The following TP63 variants were observed in gnomAD, a reference collection of about 807,000 sequenced individuals.
TP63 encodes the protein tumor protein p63, also known as tumor protein 63.
Under a neutral mutation model 82.8 loss-of-function variants are expected in TP63, and 17 were observed. The ratio of observed to expected loss-of-function variants is 0.21; its 90% CI spans 0.14 to 0.31. The LOEUF is 0.31. Ranked by LOEUF, TP63 falls within the 10% of genes least tolerant of loss-of-function variation. The pLI is 1.00. For synonymous variants in TP63, 330 were observed against 321.7 expected (o/e 1.03, Z -0.28); for missense variants, 648 against 895.3 (o/e 0.72, Z 3.52).
intron 6 of TP63, 138 bp from the exon 7 acceptor site, chr3:189,867,694 AG>A (rs1560278905): frequency 1.3e-5 from 10 of 782,476 alleles, no homozygotes; most frequent in South Asian, 1.0e-4. Context: ...AATCTACAAC[AG>A]GGTTCAGAGT....
In TP63 at chr3:189,648,800, G is replaced by T. The variant is rs573931494; in HGVS notation, c.62+17223G>T. Among the ~76,000 whole-genome samples the T allele has an allele frequency of 6.1e-5, 9 of 146,656 alleles. 2 individuals carry two copies. The East Asian group carries it at 2.1e-3, about 35-fold the overall frequency. On this transcript the variant is annotated intron_variant, in intron 1 of 13. Coordinates refer to ENST00000264731, the MANE Select transcript of TP63 (RefSeq NM_003722.5). ...GCTCAAATCCCTCATAGTCGTTTAG[G>T]ACTTTGTCATGTAAAACCATTTCAC...
intron 4 of TP63, among the ~76,000 whole-genome samples, chr3:189,825,078 G>A (rs1287696157): frequency 6.6e-6 from 1 of 152,194 alleles, no homozygotes; most frequent in Non-Finnish European, 1.5e-5. Flanking sequence ...TGGTGTGTTT[G>A]GGAGATGAAT....
At chr3:189,606,623 C>T in the TP63 span, among the ~76,000 whole-genome samples, 2 of 144,712 alleles carry the variant, frequency 1.4e-5, no homozygotes, top group Non-Finnish European at 3.0e-5. Context: ...AAGCAATTAT[C>T]GTGCCTCAGC....
At chr3:189,597,638 G>A in the TP63 span, among the ~76,000 whole-genome samples, 1 of 152,170 alleles carries the variant, frequency 6.6e-6, no homozygotes, top group Non-Finnish European at 1.5e-5. Context: ...AAAATAGCTA[G>A]AATTGGCCTG....
chr3:189,822,836 G>A (rs1169790529), intron 4 of TP63, among the ~76,000 whole-genome samples: 3 of 152,114 alleles, frequency 2.0e-5, no homozygotes, highest in Non-Finnish European at 2.9e-5. Context: ...GTCCCCAAAG[G>A]CACAATAACC....
chr3:189,883,271 AGAAT>A (rs1242340432), intron 10 of TP63, among the ~76,000 whole-genome samples: 2 of 152,156 alleles, frequency 1.3e-5, no homozygotes, highest in African/African-American at 4.8e-5. Flanking sequence ...TGTAGTTTTC[AGAAT>A]GCTTCTTCTA....
At chr3:189,823,686 C>T (rs573823257) in intron 4 of TP63, among the ~76,000 whole-genome samples, 1 of 152,262 alleles carries the variant, frequency 6.6e-6, no homozygotes, top group Admixed American at 6.5e-5. Flanking sequence ...CTAGCTGGGA[C>T]CTTGACGAAT....
intron 1 of TP63, among the ~76,000 whole-genome samples, chr3:189,699,698 T>A (rs1397017189): frequency 1.3e-5 from 2 of 152,194 alleles, no homozygotes; most frequent in Non-Finnish European, 2.9e-5. Context: ...TTTATGAAAC[T>A]ATAAATCTAG....
intron 1 of TP63, among the ~76,000 whole-genome samples, chr3:189,722,394 T>C (rs1439265895): frequency 6.6e-6 from 1 of 152,220 alleles, no homozygotes; most frequent in African/African-American, 2.4e-5. Context: ...CTGTAGTTCA[T>C]CTGATAACAA....
chr3:189,846,534 A>G (rs1714888870), intron 4 of TP63, among the ~76,000 whole-genome samples: 1 of 152,128 alleles, frequency 6.6e-6, no homozygotes, highest in Non-Finnish European at 1.5e-5. Context: ...GAATATATGT[A>G]CAGTATGTAT....
At chr3:189,815,220 A>C in intron 4 of TP63, among the ~76,000 whole-genome samples, 1 of 151,930 alleles carries the variant, frequency 6.6e-6, no homozygotes, top group Non-Finnish European at 1.5e-5. Flanking sequence ...TTCTCCATAA[A>C]TTAATATGGA....
At chr3:189,811,304 T>C in intron 4 of TP63, among the ~76,000 whole-genome samples, 1 of 152,224 alleles carries the variant, frequency 6.6e-6, no homozygotes, top group East Asian at 1.9e-4. Context: ...CGCATCGATA[T>C]ATTGTCTGCC....
intron 3 of TP63, among the ~76,000 whole-genome samples, chr3:189,777,352 A>G (rs894396353): frequency 1.3e-5 from 2 of 151,950 alleles, no homozygotes; most frequent in Admixed American, 6.6e-5. Context: ...ACCCGCCACC[A>G]TGCTCAGCTA....
intron 3 of TP63, among the ~76,000 whole-genome samples, chr3:189,766,796 G>A (rs564702452): frequency 3.9e-4 from 59 of 152,126 alleles, no homozygotes; most frequent in Non-Finnish European, 7.4e-4. Flanking sequence ...CTTTGAAACA[G>A]CAACAGTAAC....
chr3:189,798,382 A>G (rs1725939230), intron 3 of TP63, among the ~76,000 whole-genome samples: 1 of 152,030 alleles, frequency 6.6e-6, no homozygotes, highest in Admixed American at 6.6e-5. Flanking sequence ...ATTATCTTTT[A>G]AATAGCAAGA....
chr3:189,765,620 A>C (rs1213923432), intron 3 of TP63, among the ~76,000 whole-genome samples: 1 of 150,860 alleles, frequency 6.6e-6, no homozygotes, highest in African/African-American at 2.4e-5. Context: ...TTTTTAGTAG[A>C]GACAGGGTTT....
chr3:189,868,005 A>G, intron 7 of TP63, 63 bp downstream of exon 7: 2 of 1,339,508 alleles, frequency 1.5e-6, no homozygotes, highest in Non-Finnish European at 2.1e-6. Flanking sequence ...GCAAAGTGAA[A>G]TCGTGGCTGC....
intron 4 of TP63, among the ~76,000 whole-genome samples, chr3:189,848,203 CCTTT>C (rs920017556): frequency 1.3e-5 from 2 of 148,316 alleles, no homozygotes; most frequent in Admixed American, 6.7e-5. Context: ...TTTTCCTTTT[CCTTT>C]TCCTCCCTCT....
chr3:189,789,548 A>C (rs1490584300), intron 3 of TP63: 3 of 628,772 alleles, frequency 4.8e-6, no homozygotes, highest in Non-Finnish European at 6.8e-6. Context: ...GCCTCACTCC[A>C]TTGGAGTGGA....
Sources: allele counts gnomAD v4.1 joint callset (sites outside exome capture counted in the v4.1 genomes callset), GRCh38; gene constraint gnomAD v4.1.1; transcripts MANE v1.5; gene names NCBI Gene and HGNC (gene_info 2026-07-23, HGNC 2026-07-21).